RERE: variants seen among roughly 807,000 people sequenced by gnomAD.
The protein encoded by RERE is arginine-glutamic acid dipeptide repeats protein.
RERE carries 40 observed loss-of-function variants against 146.1 expected under a neutral mutation model. The ratio of observed to expected loss-of-function variants is 0.27; its 90% confidence interval spans 0.21 to 0.36. RERE has a LOEUF of 0.36. Among genes scored for constraint, RERE ranks in the 10% least tolerant of loss-of-function variants. The probability of loss-of-function intolerance (pLI) is 1.00; values close to 1 mark genes in which losing one functional copy is unlikely to be tolerated. For synonymous variants in RERE, 1,003 were observed against 866.0 expected (o/e 1.16, Z -2.78); for missense variants, 1,933 against 2,138.7 (o/e 0.90, Z 1.90).
intron 1 of RERE, among the ~76,000 whole-genome samples, chr1:8,672,809 A>G (rs1638747406): frequency 6.6e-6 from 1 of 151,576 alleles, no homozygotes; most frequent in African/African-American, 2.4e-5. Flanking sequence ...CAGCAACAAC[A>G]AAAAAAAACT....
Position 8,358,517 on chromosome 1 carries a change from C to A in RERE, c.4018G>T (p.Ala1340Ser). The part of the protein sequence containing the change: ...KPPELDPLHP[A>S]ANPMEHFARH... ...GCAAAGTGCTCCATGGGGTTGGCGG[C>A]TGGGTGCAGGGGGTCCAGCTCTGGG... The change falls in exon 20 of 23, where the codon GCC becomes TCC. Residue 1340 changes from alanine to serine, a missense_variant. Coordinates refer to ENST00000400908, the MANE Select transcript of RERE (RefSeq NM_001042681.2). The A allele has an allele frequency of 6.3e-7, 1 of 1,593,802 alleles. No individual in the cohort carries two copies. Among genetic ancestry groups the A allele is most frequent in the Non-Finnish European group, 8.5e-7 (1 of 1,170,868 alleles).
At chr1:8,808,435 C>T (rs932399071) in intron 1 of RERE, among the ~76,000 whole-genome samples, 3 of 152,050 alleles carry the variant, frequency 2.0e-5, no homozygotes, top group Admixed American at 2.0e-4. Context: ...CTCTAGATGA[C>T]AATAACAGTA....
At chr1:8,576,303 T>C (rs1445543104) in intron 4 of RERE, among the ~76,000 whole-genome samples, 3 of 152,228 alleles carry the variant, frequency 2.0e-5, no homozygotes, top group African/African-American at 7.2e-5. Flanking sequence ...AAATAAATTT[T>C]AGTGCCAATT....
intron 6 of RERE, among the ~76,000 whole-genome samples, chr1:8,550,823 C>T (rs1235696563): frequency 6.6e-6 from 1 of 152,194 alleles, no homozygotes; most frequent in Non-Finnish European, 1.5e-5. Context: ...GCTGGGATTA[C>T]AGGCGTGAGC....
chr1:8,540,564 T>C (rs1645787976), intron 7 of RERE, among the ~76,000 whole-genome samples: 1 of 152,206 alleles, frequency 6.6e-6, no homozygotes, highest in Non-Finnish European at 1.5e-5. Context: ...AGTATGAATA[T>C]ATACACTCAT....
intron 1 of RERE, among the ~76,000 whole-genome samples, chr1:8,702,466 T>TA (rs1429146521): frequency 2.0e-5 from 3 of 152,200 alleles, no homozygotes; most frequent in Non-Finnish European, 4.4e-5. Context: ...CATCCCACAC[T>TA]AAAAAATTCT....
intron 1 of RERE, among the ~76,000 whole-genome samples, chr1:8,723,979 C>A (rs997200165): frequency 2.0e-5 from 3 of 152,186 alleles, no homozygotes; most frequent in Non-Finnish European, 4.4e-5. Flanking sequence ...TCTATATAGT[C>A]TCTGTGTGTT....
chr1:8,420,988 T>A (rs1474058481), intron 12 of RERE, among the ~76,000 whole-genome samples: 1 of 152,244 alleles, frequency 6.6e-6, no homozygotes, highest in Non-Finnish European at 1.5e-5. Flanking sequence ...TAAAGGTTAC[T>A]CACATCTGCT....
chr1:8,362,023 G>A (rs1433534469), intron 16 of RERE, 147 bp from the exon 17 acceptor site: 3 of 611,848 alleles, frequency 4.9e-6, no homozygotes, highest in Non-Finnish European at 8.7e-6. Flanking sequence ...GGTCAACTGG[G>A]GCCAAGAAGG....
At chr1:8,688,521 A>G (rs1444195161) in intron 1 of RERE, among the ~76,000 whole-genome samples, 1 of 151,738 alleles carries the variant, frequency 6.6e-6, no homozygotes, top group Non-Finnish European at 1.5e-5. Context: ...AAATTGTACC[A>G]CTGCACTCCA....
intron 10 of RERE, among the ~76,000 whole-genome samples, chr1:8,486,618 G>A (rs949223171): frequency 4.6e-5 from 7 of 151,066 alleles, no homozygotes; most frequent in Non-Finnish European, 7.4e-5. Flanking sequence ...AATTAATAAC[G>A]AACAGAAACC....
intron 11 of RERE, among the ~76,000 whole-genome samples, chr1:8,438,729 T>C (rs563624129): frequency 2.0e-5 from 3 of 152,160 alleles, no homozygotes; most frequent in South Asian, 2.1e-4. Context: ...TACTCAAATG[T>C]AGCGTTTAAA....
rs897940668 is a variant in RERE, at chr1:8,503,080, T to C, written c.879+5547A>G. 1.0e-3 allele frequency among the ~76,000 whole-genome samples: 141 copies of C among 141,584 alleles called. 1 individual carries two copies. The highest frequency in any genetic ancestry group is 4.7e-4 in the Non-Finnish European group (31 of 65,944). 92.9% of individuals were successfully genotyped at this position (141,584 alleles called of 152,430 possible). ...CTCTGCGAGAAACACCCAAGAATGA[T>C]CAATTAAAAATAAATAAATAAATAA... On this transcript the variant is annotated intron_variant, in intron 8 of 22. Coordinates refer to ENST00000400908, the MANE Select transcript of RERE (RefSeq NM_001042681.2).
intron 1 of RERE, among the ~76,000 whole-genome samples, chr1:8,808,484 T>C (rs1641731908): frequency 6.6e-6 from 1 of 152,226 alleles, no homozygotes; most frequent in Non-Finnish European, 1.5e-5. Context: ...CCATTTACTA[T>C]GTGCCAGGGA....
rs368964112 is a variant in RERE at position 8,359,783 on chromosome 1, C to A, written c.3599G>T (p.Arg1200Leu). The stretch of plus-strand genomic sequence containing the variant: ...ACTCACAGCCGCCCGCTCTGCCTCG[C>A]GCTCCCGCTCTCGCTCCCGCTCCCG... The part of the protein sequence containing the change: ...KERERERERE[R>L]EAERAAKASS... Residue 1200 changes from arginine to leucine, a missense_variant, in exon 19 of 23, where the codon CGC (arginine) becomes CTC (leucine). Arg to Leu is a moderately radical substitution (Grantham distance 102). Around this residue, in one of 11 missense-constraint regions of RERE, gnomAD observed 1,255 missense variants for 1,153.8 expected, o/e 1.09. Coordinates refer to ENST00000400908, the MANE Select transcript of RERE (RefSeq NM_001042681.2). 2 of 1,600,704 alleles carry A rather than the reference C, an allele frequency of 1.2e-6. No individual in the cohort carries two copies. The highest frequency in any genetic ancestry group is 1.7e-6 in the Non-Finnish European group (2 of 1,178,836).
At chr1:8,393,412 C>CAA (rs1642951457) in intron 12 of RERE, among the ~76,000 whole-genome samples, 2 of 152,134 alleles carry the variant, frequency 1.3e-5, no homozygotes, top group Non-Finnish European at 2.9e-5. Flanking sequence ...TCTGATTGGA[C>CAA]CGTAGCATGA....
At chr1:8,816,023 T>C (rs1483701547) in intron 1 of RERE, among the ~76,000 whole-genome samples, 1 of 152,022 alleles carries the variant, frequency 6.6e-6, no homozygotes, top group Non-Finnish European at 1.5e-5. Flanking sequence ...GAACAAAATA[T>C]CAACCCAAAG....
At chr1:8,777,870 T>G (rs934552963) in intron 1 of RERE, among the ~76,000 whole-genome samples, 2 of 142,848 alleles carry the variant, frequency 1.4e-5, no homozygotes, top group African/African-American at 5.4e-5. Flanking sequence ...GTATATGGTA[T>G]AAAAATAAAA....
chr1:8,424,156 C>G (rs918485648), intron 11 of RERE: 3 of 152,230 alleles, frequency 2.0e-5, no homozygotes, highest in South Asian at 2.1e-4. Flanking sequence ...AGCTGCGAAA[C>G]GGGGGGCTGG....
Sources: allele counts gnomAD v4.1 joint callset (sites outside exome capture counted in the v4.1 genomes callset), GRCh38; gene constraint gnomAD v4.1.1; regional missense constraint gnomAD v4.1.1; transcripts MANE v1.5; gene names NCBI Gene and HGNC (gene_info 2026-07-23, HGNC 2026-07-21).